KIAA1549: variants seen among roughly 807,000 people sequenced by gnomAD.
The protein encoded by KIAA1549 is UPF0606 protein KIAA1549.
Under a neutral mutation model 156.4 loss-of-function variants are expected in KIAA1549, and 70 were observed. That is an observed-to-expected ratio of 0.45 (90% CI 0.37 to 0.55). The LOEUF is 0.55. KIAA1549 is among the 20% of genes least tolerant of loss of function. The pLI is 0.00. For missense variants in KIAA1549, 2,428 were observed against 2,540.9 expected (o/e 0.96, Z 0.96); for synonymous variants, 1,103 against 1,066.4 (o/e 1.03, Z -0.67).
At chr7:138,893,725 C>A (rs2130432145) in intron 10 of KIAA1549, among the ~76,000 whole-genome samples, 1 of 152,308 alleles carries the variant, frequency 6.6e-6, no homozygotes, top group South Asian at 2.1e-4. Context: ...ATAAACAGAT[C>A]TGAGAAAGTC....
chr7:138,926,550 G>A (rs1812725630), intron 1 of KIAA1549, among the ~76,000 whole-genome samples: 1 of 152,134 alleles, frequency 6.6e-6, no homozygotes, highest in Admixed American at 6.5e-5. Flanking sequence ...CTCCCAAAGT[G>A]CTGGGATTAC....
chr7:138,836,526 G>C lies in KIAA1549; in HGVS notation c.*1380C>G, dbSNP rs981971974. 4.6e-6 allele frequency: 1 copy of C among 215,566 alleles called. No homozygotes were observed. Among genetic ancestry groups the C allele is most frequent in the African/African-American group, 2.3e-5 (1 of 44,312 alleles). The allele number at this position is 215,566 out of a possible 1,614,324, so 13.4% of individuals were successfully genotyped here. ...CTGATCTAATAAAAACAGGTTAATA[G>C]TGAAAATCTCTTAGCTAAGCCTGCT... is the stretch of plus-strand genomic sequence containing the variant. On this transcript the variant is annotated 3_prime_UTR_variant, in exon 20 of 20. Transcript: ENST00000422774.
chr7:138,954,652 G>C (rs969428102), intron 1 of KIAA1549, among the ~76,000 whole-genome samples: 2 of 152,034 alleles, frequency 1.3e-5, no homozygotes, highest in African/African-American at 2.4e-5. Flanking sequence ...TTTTCCACTT[G>C]GATCACCCCT....
intron 16 of KIAA1549, among the ~76,000 whole-genome samples, chr7:138,853,343 G>A (rs567656084): frequency 2.6e-5 from 4 of 152,252 alleles, no homozygotes; most frequent in African/African-American, 9.6e-5. Flanking sequence ...CACTGCCTCT[G>A]TTTTATAAAT....
intron 11 of KIAA1549, 101 bp from the exon 12 acceptor site, chr7:138,879,754 C>T: frequency 2.7e-6 from 2 of 744,694 alleles, no homozygotes; most frequent in Non-Finnish European, 2.2e-6. Context: ...CAGGCAAAAC[C>T]AGCAGAAATG....
chr7:138,899,749 G>A (rs563795745), intron 8 of KIAA1549, among the ~76,000 whole-genome samples: 31 of 152,168 alleles, frequency 2.0e-4, no homozygotes, highest in Admixed American at 1.5e-3. Flanking sequence ...GCACCCTGGA[G>A]GACAAAATCA....
At chr7:138,886,865 T>C (rs879847675) in intron 10 of KIAA1549, among the ~76,000 whole-genome samples, 1 of 152,166 alleles carries the variant, frequency 6.6e-6, no homozygotes, top group Non-Finnish European at 1.5e-5. Context: ...TTTATTTAAA[T>C]AAATGTATTT....
chr7:138,833,096 T>C lies in KIAA1549; in HGVS notation c.*4810A>G, dbSNP rs572336231. ...TCCTCCTGCTCCTGTCCAGGGCAAA[T>C]GTGGATAAGCAGGCTCTAGTACTGG... On this transcript the variant is annotated 3_prime_UTR_variant, in exon 20 of 20. Coordinates refer to ENST00000422774, the MANE Select transcript of KIAA1549 (RefSeq NM_001164665.2). The C allele has an allele frequency of 1.7e-5, 4 of 232,264 alleles. 2 individuals are homozygous for C. The South Asian group carries it at 7.3e-4, about 42-fold the overall frequency. 14.4% of individuals were successfully genotyped at this position (232,264 alleles called of 1,614,324 possible).
At chr7:138,889,988 T>C (rs1323623223) in intron 10 of KIAA1549, among the ~76,000 whole-genome samples, 2 of 152,218 alleles carry the variant, frequency 1.3e-5, no homozygotes, top group Non-Finnish European at 2.9e-5. Flanking sequence ...ACATGCAGCA[T>C]AGGTTTAATC....
intron 11 of KIAA1549, 94 bp downstream of exon 11, chr7:138,881,294 G>A (rs1179761186): frequency 6.4e-6 from 8 of 1,244,316 alleles, no homozygotes; most frequent in East Asian, 2.3e-5. Flanking sequence ...GCAGGGCTGC[G>A]CTCACCATCA....
At chr7:138,951,551 C>T (rs1176291898) in intron 1 of KIAA1549, among the ~76,000 whole-genome samples, 1 of 152,216 alleles carries the variant, frequency 6.6e-6, no homozygotes, top group Non-Finnish European at 1.5e-5. Flanking sequence ...GTTCAGTGAG[C>T]TGCTCCCCAA....
At position 138,918,209 on chromosome 7, in the gene KIAA1549, C is replaced by T. The variant is rs1812410801; in HGVS notation, c.1417G>A (p.Glu473Lys). 6.2e-7 allele frequency: 1 copy of T among 1,613,870 alleles called. No homozygotes were observed. Among genetic ancestry groups the T allele is most frequent in the Admixed American group, 1.7e-5 (1 of 60,008 alleles). Residue 473 changes from glutamate to lysine, a missense_variant, in exon 2 of 20, where the codon GAA becomes AAA. By Grantham distance (56) the Glu-to-Lys change is moderately conservative. Transcript: ENST00000422774. This position sits in a 1 kb window ranked among gnomAD's most constrained non-coding sequence, Gnocchi z 4.2. ...LMSSVVADFS[E>K]FEEDPQVFNT... ...AATACTTGAGGATCTTCCTCAAATT[C>T]AGAGAAGTCTGCTACGACGCTACTC... is the stretch of plus-strand genomic sequence containing the variant.
chr7:138,886,525 C>G (rs1205024594), intron 10 of KIAA1549, among the ~76,000 whole-genome samples: 1 of 152,196 alleles, frequency 6.6e-6, no homozygotes, highest in Non-Finnish European at 1.5e-5. Context: ...AATCCTCCTG[C>G]CTCAGCTTCC....
At chr7:138,848,650 C>T (rs1163020709) in intron 17 of KIAA1549, among the ~76,000 whole-genome samples, 2 of 152,140 alleles carry the variant, frequency 1.3e-5, no homozygotes, top group African/African-American at 4.8e-5. Context: ...CCTTGTCCTT[C>T]TTGCCCTTGT....
At chr7:138,870,302 C>T (rs1432779037) in intron 13 of KIAA1549, among the ~76,000 whole-genome samples, 1 of 151,996 alleles carries the variant, frequency 6.6e-6, no homozygotes, top group Admixed American at 6.6e-5. Flanking sequence ...GCTTTACCCT[C>T]AAGCACTGTG....
At chr7:138,937,743 T>C (rs1427255055) in intron 1 of KIAA1549, among the ~76,000 whole-genome samples, 1 of 152,058 alleles carries the variant, frequency 6.6e-6, no homozygotes. Context: ...AGCCTGTCGT[T>C]TGAGACTCAC....
chr7:138,857,119 C>T (rs1374511623), intron 16 of KIAA1549, among the ~76,000 whole-genome samples: 1 of 152,116 alleles, frequency 6.6e-6, no homozygotes, highest in African/African-American at 2.4e-5. Context: ...TTCCGGTTTG[C>T]AGAAAGCAGA....
In KIAA1549 at chr7:138,919,170, G is replaced by A; in HGVS notation, c.456C>T (p.Val152=). The part of the protein sequence containing the change: ...YVSVTSKEVA[V]NDDEMDNFLP... ...GAAAGTTATCCATCTCATCGTCATT[G>A]ACGGCCACCTCTTTACTCGTCACTG... The change falls in exon 2 of 20, where the codon GTC becomes GTT. Residue 152 remains valine, a synonymous_variant. Transcript: ENST00000422774. 1.2e-6 allele frequency: 2 copies of A among 1,613,996 alleles called. No homozygotes were observed. Among genetic ancestry groups the A allele is most frequent in the African/African-American group, 1.3e-5 (1 of 75,032 alleles).
At chr7:138,888,457 T>G (rs1440088389) in intron 10 of KIAA1549, among the ~76,000 whole-genome samples, 8 of 152,236 alleles carry the variant, frequency 5.3e-5, no homozygotes, top group Non-Finnish European at 1.2e-4. Flanking sequence ...GACCCCTTTC[T>G]CTGCTGGTTT....
Sources: gnomAD v4.1 joint callset for allele counts (sites outside exome capture counted in the v4.1 genomes callset) on GRCh38, gnomAD v4.1.1 for gene constraint, Gnocchi (gnomAD v3.1) non-coding constraint, MANE v1.5 for transcripts, NCBI Gene and HGNC (gene_info 2026-07-23, HGNC 2026-07-21) for gene names.